Variants in WLS observed in about 807,000 individuals in gnomAD.
WLS encodes Wnt ligand secretion mediator.
A neutral mutation model predicts 62.8 loss-of-function variants in WLS; 23 were observed. That is an observed-to-expected ratio of 0.37 (90% CI 0.26 to 0.52). WLS has a LOEUF of 0.52. Among genes scored for constraint, WLS ranks in the 20% least tolerant of loss-of-function variants. WLS has a pLI of 0.92. For missense variants in WLS, 615 were observed against 697.3 expected, an observed-to-expected ratio of 0.88 and a Z score of 1.33; for synonymous variants, 246 against 244.1, an observed-to-expected ratio of 1.01 and a Z score of -0.07.
At chr1:68,111,027 CAT>C (rs1646222770) in intron 11 of WLS, among the ~76,000 whole-genome samples, 1 of 152,050 alleles carries the variant, frequency 6.6e-6, no homozygotes, top group Non-Finnish European at 1.5e-5. Context: ...AAAAAGAAAA[CAT>C]TGGTAAATCA....
intron 2 of WLS, among the ~76,000 whole-genome samples, chr1:68,187,420 A>G (rs1186169344): frequency 6.6e-6 from 1 of 152,102 alleles, no homozygotes; most frequent in Non-Finnish European, 1.5e-5. Context: ...AAGCTTGAGT[A>G]CAGTATTTTT....
downstream of WLS, among the ~76,000 whole-genome samples, chr1:68,123,393 C>G (rs948893598): frequency 1.3e-5 from 2 of 151,930 alleles, no homozygotes; most frequent in Non-Finnish European, 2.9e-5. Context: ...ATCTTCTTCC[C>G]CTTTCCTATA....
chr1:68,185,076 A>C (rs909705043), intron 2 of WLS, among the ~76,000 whole-genome samples: 2 of 152,152 alleles, frequency 1.3e-5, no homozygotes, highest in East Asian at 3.9e-4. Context: ...CCAAGCAAGC[A>C]ATCAATCACT....
chr1:68,182,043 T>C (rs571633975), intron 2 of WLS, among the ~76,000 whole-genome samples: 1 of 152,324 alleles, frequency 6.6e-6, no homozygotes, highest in Non-Finnish European at 1.5e-5. Context: ...TAGAAGAGTG[T>C]TTTGTTAAGA....
intron 1 of WLS, among the ~76,000 whole-genome samples, chr1:68,200,737 C>A (rs376619341): frequency 1.3e-5 from 2 of 152,114 alleles, no homozygotes; most frequent in East Asian, 3.8e-4. Context: ...TAGAGAAAAC[C>A]TCCATTGCAC....
chr1:68,201,774 T>C (rs1427464762), intron 1 of WLS, among the ~76,000 whole-genome samples: 1 of 152,194 alleles, frequency 6.6e-6, no homozygotes, highest in Non-Finnish European at 1.5e-5. Context: ...ACATACATAC[T>C]ACATAGCAGA....
chr1:68,213,510 A>G (rs1003713861), intron 1 of WLS, among the ~76,000 whole-genome samples: 2 of 151,762 alleles, frequency 1.3e-5, no homozygotes, highest in African/African-American at 4.8e-5. Context: ...ATGATATACC[A>G]AAGAGATAAA....
intron 5 of WLS, among the ~76,000 whole-genome samples, chr1:68,153,274 C>CA (rs1250203972): frequency 6.6e-6 from 1 of 151,716 alleles, no homozygotes; most frequent in East Asian, 1.9e-4. Context: ...ACCTTGTCTC[C>CA]AAAAAATAAA....
rs565590320 is a variant in WLS at position 68,232,137 on chromosome 1, A to C, written c.106+57T>G. 104 of 1,609,682 alleles carry C rather than the reference A, an allele frequency of 6.5e-5. 1 individual carries two copies. In the South Asian group the frequency reaches 1.1e-3, roughly 17 times the overall value. ...GTAACAAGTAGCCCAAGAGGCAAAG[A>C]GGGAAGGGGCCCGAAAAGACAGAAA... On this transcript the variant is annotated intron_variant, in intron 1 of 11. Transcript: ENST00000262348.
intron 1 of WLS, among the ~76,000 whole-genome samples, chr1:68,211,479 T>C (rs1649514581): frequency 6.6e-6 from 1 of 152,148 alleles, no homozygotes; most frequent in African/African-American, 2.4e-5. Flanking sequence ...ACTCAAAGCA[T>C]TTACAATCTC....
At chr1:68,185,854 A>G (rs1472996227) in intron 2 of WLS, among the ~76,000 whole-genome samples, 3 of 152,192 alleles carry the variant, frequency 2.0e-5, no homozygotes, top group Non-Finnish European at 4.4e-5. Flanking sequence ...TGGAGGCTTC[A>G]TTACCTAGGC....
At chr1:68,114,846 G>A (rs1167003728) in intron 11 of WLS, among the ~76,000 whole-genome samples, 1 of 152,108 alleles carries the variant, frequency 6.6e-6, no homozygotes, top group African/African-American at 2.4e-5. Flanking sequence ...ACCCCCTCTG[G>A]GGGTGCCACT....
downstream of WLS, among the ~76,000 whole-genome samples, chr1:68,121,590 G>A (rs1284762664): frequency 6.6e-6 from 1 of 152,116 alleles, no homozygotes; most frequent in Admixed American, 6.5e-5. Context: ...ATGATGGAGA[G>A]ACAGCCTGCA....
chr1:68,160,216 C>T (rs925916785), intron 2 of WLS, among the ~76,000 whole-genome samples: 1 of 151,624 alleles, frequency 6.6e-6, no homozygotes, highest in Non-Finnish European at 1.5e-5. Context: ...ATTGGCAAAA[C>T]AGTTTCAAGG....
At chr1:68,221,645 T>C (rs970127220) in intron 1 of WLS, among the ~76,000 whole-genome samples, 1 of 152,238 alleles carries the variant, frequency 6.6e-6, no homozygotes, top group Non-Finnish European at 1.5e-5. Context: ...CTGCTCTGCC[T>C]GGAAAGAAGG....
At chr1:68,129,690 T>A (rs1646490094) in intron 11 of WLS, among the ~76,000 whole-genome samples, 1 of 152,254 alleles carries the variant, frequency 6.6e-6, no homozygotes, top group East Asian at 1.9e-4. Context: ...TGGAGATCCC[T>A]CCACTTGCCT....
intron 11 of WLS, among the ~76,000 whole-genome samples, chr1:68,119,684 C>T (rs1201807529): frequency 2.0e-5 from 3 of 152,252 alleles, no homozygotes; most frequent in Non-Finnish European, 4.4e-5. Context: ...CTCCATGCCA[C>T]CTCAGTGCTT....
At chr1:68,115,512 G>C (rs1646279776) in intron 11 of WLS, among the ~76,000 whole-genome samples, 1 of 152,158 alleles carries the variant, frequency 6.6e-6, no homozygotes, top group African/African-American at 2.4e-5. Context: ...CTTGAGTGCT[G>C]GCTGTGTGAC....
In WLS at chr1:68,155,368, A is replaced by C. The variant is rs1290301109; in HGVS notation, c.505-108T>G. On this transcript the variant is annotated intron_variant, in intron 3 of 11. Transcript: ENST00000262348. The stretch of plus-strand genomic sequence containing the variant: ...ATCAATTGTAAGCAGCTAATGCTTA[A>C]AGGTACACTTTAGACGTACAGAGTA... 6 of 1,337,594 alleles carry C rather than the reference A, an allele frequency of 4.5e-6. No homozygotes were observed. In the Admixed American group the frequency reaches 1.3e-4, roughly 29 times the overall value. 82.9% of individuals were successfully genotyped at this position (1,337,594 alleles called of 1,614,324 possible).
Sources: gnomAD v4.1 joint callset for allele counts (sites outside exome capture counted in the v4.1 genomes callset) on GRCh38, gnomAD v4.1.1 for gene constraint, MANE v1.5 for transcripts, NCBI Gene and HGNC (gene_info 2026-07-23, HGNC 2026-07-21) for gene names.